Variants in PHF21A observed in about 807,000 individuals in gnomAD.
PHF21A encodes PHD finger protein 21A.
In PHF21A, 11 loss-of-function variants were observed where a neutral mutation model predicts 82.5. The ratio of observed to expected loss-of-function variants is 0.13; its 90% CI spans 0.08 to 0.22. The LOEUF is 0.22. Ranked by LOEUF, PHF21A falls within the 10% of genes least tolerant of loss-of-function variation. The probability of loss-of-function intolerance (pLI) is 1.00; values close to 1 mark genes in which losing one functional copy is unlikely to be tolerated. For synonymous variants in PHF21A, 297 were observed against 302.8 expected, an observed-to-expected ratio of 0.98 and a Z score of 0.20; for missense variants, 579 against 837.8, an observed-to-expected ratio of 0.69 and a Z score of 3.81.
At chr11:46,103,118 C>A (rs950912559) in intron 1 of PHF21A, among the ~76,000 whole-genome samples, 1 of 152,128 alleles carries the variant, frequency 6.6e-6, no homozygotes, top group Non-Finnish European at 1.5e-5. Context: ...ACATACAGCA[C>A]CACTTTTTAC....
chr11:45,949,024 C>T, intron 13 of PHF21A, 78 bp from the exon 14 acceptor site: 1 of 1,095,620 alleles, frequency 9.1e-7, no homozygotes, highest in Non-Finnish European at 1.4e-6. Context: ...AAAGACCAAG[C>T]ATGGCATGAC....
intron 6 of PHF21A, among the ~76,000 whole-genome samples, chr11:45,998,028 C>T (rs2094970951): frequency 6.6e-6 from 1 of 152,166 alleles, no homozygotes; most frequent in African/African-American, 2.4e-5. Flanking sequence ...ATTTCAGTAC[C>T]ATCAGTAGCA....
intron 6 of PHF21A, among the ~76,000 whole-genome samples, chr11:45,981,629 C>T (rs2094291271): frequency 4.0e-5 from 6 of 151,842 alleles, no homozygotes; most frequent in Admixed American, 3.9e-4. Flanking sequence ...CAGAGGTGTG[C>T]TATTTCTGAT....
At chr11:46,073,233 T>G (rs1269890137) in intron 6 of PHF21A, among the ~76,000 whole-genome samples, 1 of 149,782 alleles carries the variant, frequency 6.7e-6, no homozygotes, top group African/African-American at 2.5e-5. Flanking sequence ...GAGGCTGAAG[T>G]GGGAGAATGG....
chr11:46,059,350 G>A (rs770191738), intron 6 of PHF21A, among the ~76,000 whole-genome samples: 66 of 152,116 alleles, frequency 4.3e-4, no homozygotes, highest in Non-Finnish European at 7.9e-4. Context: ...GAATAATTGA[G>A]AATGTAAAGA....
chr11:45,949,934 T>C (rs1168707292), intron 12 of PHF21A, among the ~76,000 whole-genome samples: 2 of 152,228 alleles, frequency 1.3e-5, no homozygotes, highest in Non-Finnish European at 2.9e-5. Context: ...TTCGCTGTGC[T>C]GTTCAGAAAA....
chr11:46,101,712 C>A (rs996408571), intron 1 of PHF21A, among the ~76,000 whole-genome samples: 2 of 152,038 alleles, frequency 1.3e-5, no homozygotes, highest in Admixed American at 6.5e-5. Flanking sequence ...ATCACAGCCT[C>A]GCAGCCTCGA....
intron 6 of PHF21A, among the ~76,000 whole-genome samples, chr11:46,018,203 T>C (rs564544252): frequency 8.8e-4 from 132 of 150,550 alleles, no homozygotes; most frequent in Middle Eastern, 3.4e-3. Context: ...TGAGCTGAGA[T>C]TGCGCCACTG....
At chr11:46,083,200 T>C (rs964113666) in intron 4 of PHF21A, among the ~76,000 whole-genome samples, 1 of 151,934 alleles carries the variant, frequency 6.6e-6, no homozygotes, top group East Asian at 1.9e-4. Flanking sequence ...GCTTATTACC[T>C]ACTTAAAGAA....
intron 13 of PHF21A, 102 bp downstream of exon 13, chr11:45,949,300 A>G (rs2091778856): frequency 4.2e-6 from 4 of 943,710 alleles, no homozygotes; most frequent in African/African-American, 3.3e-5. Flanking sequence ...GCCAAGTACA[A>G]TCAGGGTGCT....
intron 7 of PHF21A, among the ~76,000 whole-genome samples, chr11:45,976,176 C>T (rs1390439029): frequency 3.3e-5 from 5 of 152,118 alleles, no homozygotes; most frequent in Non-Finnish European, 7.4e-5. Context: ...TGACGCCATC[C>T]TTTTGTTCAT....
chr11:46,007,784 ATTCT>A (rs1217775578), intron 6 of PHF21A, among the ~76,000 whole-genome samples: 2 of 152,216 alleles, frequency 1.3e-5, no homozygotes, highest in African/African-American at 4.8e-5. Context: ...CAATGGACAT[ATTCT>A]TTCTTTAATT....
intron 6 of PHF21A, among the ~76,000 whole-genome samples, chr11:46,029,414 G>A (rs369329297): frequency 3.3e-5 from 5 of 152,154 alleles, no homozygotes; most frequent in Non-Finnish European, 7.4e-5. Context: ...CTGGCTGGGC[G>A]CAGTGGCTCA....
chr11:45,946,836 G>A (rs372785569), intron 14 of PHF21A, among the ~76,000 whole-genome samples: 33 of 152,266 alleles, frequency 2.2e-4, no homozygotes, highest in African/African-American at 7.0e-4. Flanking sequence ...GGTGGAGACC[G>A]GCAAAGCAAG....
intron 9 of PHF21A, among the ~76,000 whole-genome samples, chr11:45,966,196 T>TTC (rs397799545): frequency 1.1e-3 from 3 of 2,780 alleles, no homozygotes; most frequent in Non-Finnish European, 4.6e-3. Flanking sequence ...TACTGAAGAC[T>TTC]CACACTTTTA....
chr11:45,983,328 G>A (rs1375648994), intron 6 of PHF21A, among the ~76,000 whole-genome samples: 1 of 151,972 alleles, frequency 6.6e-6, no homozygotes, highest in African/African-American at 2.4e-5. Context: ...AAAAGAAAGA[G>A]AGCTCTGCAT....
At position 45,935,570 on chromosome 11, in the gene PHF21A, G is replaced by A. The variant is rs779557079; in HGVS notation, c.1788+66C>T. On this transcript the variant is annotated intron_variant, in intron 18 of 18. Coordinates refer to ENST00000676320, the MANE Select transcript of PHF21A (RefSeq NM_001352027.3). ...GCCTGGGGCCCACACGTACTGTTAC[G>A]TATATTGGAAAGGCCTAGGTCTCTG... is the stretch of plus-strand genomic sequence containing the variant. 4.7e-5 allele frequency: 40 copies of A among 858,794 alleles called. 1 individual carries two copies. The Middle Eastern group carries it at 1.8e-3, about 38-fold the overall frequency. The allele number at this position is 858,794 out of a possible 1,614,324, so 53.2% of individuals were successfully genotyped here.
At position 46,001,814 on chromosome 11, in the gene PHF21A, T is replaced by A. The variant is rs557599660; in HGVS notation, c.154-21848A>T. On this transcript the variant is annotated intron_variant, in intron 6 of 18. Coordinates refer to ENST00000676320, the MANE Select transcript of PHF21A (RefSeq NM_001352027.3). ...ACTTTGAAGCCCTGTTTGCATTCCATTTTTAACTAGAGGGAAGAGGATGGA... is the reference window on the plus strand; with the variant it reads ...ACTTTGAAGCCCTGTTTGCATTCCAATTTTAACTAGAGGGAAGAGGATGGA... Among the ~76,000 whole-genome samples the A allele has an allele frequency of 2.0e-5, 3 of 152,300 alleles. No individual in the cohort carries two copies. In the East Asian group the frequency reaches 5.8e-4, roughly 29 times the overall value.
At chr11:45,946,825 G>C (rs766604906) in intron 14 of PHF21A, among the ~76,000 whole-genome samples, 1 of 152,112 alleles carries the variant, frequency 6.6e-6, no homozygotes, top group Non-Finnish European at 1.5e-5. Context: ...CATTTTATGA[G>C]GGTGGAGACC....
Sources: allele counts gnomAD v4.1 joint callset (sites outside exome capture counted in the v4.1 genomes callset), GRCh38; gene constraint gnomAD v4.1.1; transcripts MANE v1.5; gene names NCBI Gene and HGNC (gene_info 2026-07-23, HGNC 2026-07-21).